Variants in FKBP14 observed in about 807,000 individuals in gnomAD.
FKBP14 encodes peptidyl-prolyl cis-trans isomerase FKBP14.
Under a neutral mutation model 21.6 loss-of-function variants are expected in FKBP14, and 20 were observed. The observed-to-expected ratio is 0.92, with a 90% CI of 0.65 to 1.34. The LOEUF is 1.34. Ranked by LOEUF, FKBP14 falls within the 40% of genes most tolerant of loss-of-function variation. FKBP14 has a pLI of 0.00. For missense variants in FKBP14, 253 were observed against 249.0 expected (o/e 1.02, Z -0.11); for synonymous variants, 79 against 86.7 (o/e 0.91, Z 0.49).
chr7:30,011,168 T>G lies in FKBP14; in HGVS notation c.*3567A>C, dbSNP rs1484032698. On this transcript the variant is annotated 3_prime_UTR_variant, in exon 4 of 4. Transcript: ENST00000222803. ...CAATTCTCCTGCCTCAGCCTCTCAATTAGCTGGGACTACACGCATGTGCCA... is the reference window on the plus strand; with the variant it reads ...CAATTCTCCTGCCTCAGCCTCTCAAGTAGCTGGGACTACACGCATGTGCCA... 2 of 151,824 alleles carry G rather than the reference T, an allele frequency of 1.3e-5. No homozygotes were observed. The highest frequency in any genetic ancestry group is 3.1e-3 in the Middle Eastern group (1 of 318). 9.4% of individuals were successfully genotyped at this position (151,824 alleles called of 1,614,324 possible). A position where few individuals can be genotyped will look rare whatever the true frequency, so the allele number is the denominator to read the frequency against.
intron 3 of FKBP14, among the ~76,000 whole-genome samples, chr7:30,015,827 G>A (rs903926726): frequency 2.0e-5 from 3 of 151,910 alleles, no homozygotes; most frequent in Non-Finnish European, 4.4e-5. Context: ...GCGTTTCACC[G>A]TGTTAGCCAG....
intron 2 of FKBP14, 84 bp downstream of exon 2, chr7:30,022,581 A>G (rs1223466285): frequency 7.0e-7 from 1 of 1,433,116 alleles, no homozygotes. Context: ...GGAAAAAAAA[A>G]AGTTATAGTG....
At chr7:30,018,903 T>A in intron 3 of FKBP14, 93 bp downstream of exon 3, 7 of 1,296,086 alleles carry the variant, frequency 5.4e-6, no homozygotes, top group Non-Finnish European at 7.5e-6. Context: ...ATACACATAT[T>A]CATTTAAAAA....
At chr7:30,026,081 A>T (rs1301405200) in intron 1 of FKBP14, among the ~76,000 whole-genome samples, 1 of 150,914 alleles carries the variant, frequency 6.6e-6, no homozygotes, top group East Asian at 2.0e-4. Flanking sequence ...TTTGTATAAT[A>T]AAAAAAATTA....
chr7:30,008,793 G>C (rs541191979), downstream of FKBP14, among the ~76,000 whole-genome samples: 15 of 152,016 alleles, frequency 9.9e-5, no homozygotes, highest in Admixed American at 9.2e-4. Flanking sequence ...TGGCTAACAC[G>C]GTGAAACCCG....
intron 1 of FKBP14, among the ~76,000 whole-genome samples, chr7:30,023,690 TCA>T (rs1445904406): frequency 2.0e-5 from 3 of 152,172 alleles, no homozygotes; most frequent in Admixed American, 6.5e-5. Flanking sequence ...TGGGGAGGTC[TCA>T]CAATCATGGC....
In FKBP14 at chr7:30,011,526, TACAC is replaced by T. The variant is rs1304391181; in HGVS notation, c.*3205_*3208del. ...TACAGGTATACCATATATATATATA[TACAC>T]ACACCATATATATATATACTATATA... On this transcript the variant is annotated 3_prime_UTR_variant, in exon 4 of 4. Transcript: ENST00000222803. 1.4e-5 allele frequency: 2 copies of T among 144,414 alleles called. No homozygotes were observed. The highest frequency in any genetic ancestry group is 2.6e-5 in the African/African-American group (1 of 39,130). 8.9% of individuals were successfully genotyped at this position (144,414 alleles called of 1,614,324 possible). A position where few individuals can be genotyped will look rare whatever the true frequency, so the allele number is the denominator to read the frequency against.
chr7:30,010,695 A>G lies in FKBP14; in HGVS notation c.*4040T>C, dbSNP rs952117602. 4 of 152,188 alleles carry G rather than the reference A, an allele frequency of 2.6e-5. No individual in the cohort carries two copies. The highest frequency in any genetic ancestry group is 5.9e-5 in the Non-Finnish European group (4 of 68,030). 9.4% of individuals were successfully genotyped at this position (152,188 alleles called of 1,614,324 possible). ...ACGCAAATTATATAGTCATGTAACC[A>G]TGTTTCGGTCAATGTACAATATATA... On this transcript the variant is annotated 3_prime_UTR_variant, in exon 4 of 4. Coordinates refer to ENST00000222803, the MANE Select transcript of FKBP14 (RefSeq NM_017946.4).
chr7:30,014,890 T>C lies in FKBP14; in HGVS notation c.481A>G (p.Lys161Glu), dbSNP rs1237714763. The C allele has an allele frequency of 6.3e-7, 1 of 1,578,530 alleles. No homozygotes were observed. Among genetic ancestry groups the C allele is most frequent in the Admixed American group, 1.9e-5 (1 of 51,724 alleles). The stretch of plus-strand genomic sequence containing the variant: ...TCAAACTCCTTCTTTAAATATGCTT[T>C]AACCTACAAAATAACAGATCCCATT... ...DDWKLSKDEVKAYLKKEFEKH... is the reference protein window; with the variant it reads ...DDWKLSKDEVEAYLKKEFEKH... Residue 161 changes from lysine to glutamate, a missense_variant, in exon 4 of 4, where the codon AAA becomes GAA. Physicochemically the swap from Lys to Glu is moderately conservative, Grantham distance 56. Transcript: ENST00000222803.
chr7:30,007,453 C>T (rs1258484228), downstream of FKBP14, among the ~76,000 whole-genome samples: 1 of 152,048 alleles, frequency 6.6e-6, no homozygotes, highest in Admixed American at 6.5e-5. Context: ...CGTGATCTGC[C>T]CGCCTTGGCC....
At chr7:30,017,427 G>C (rs1195598636) in intron 3 of FKBP14, among the ~76,000 whole-genome samples, 2 of 151,946 alleles carry the variant, frequency 1.3e-5, no homozygotes, top group African/African-American at 4.8e-5. Context: ...CAATTAGCTG[G>C]GTATGGTGGC....
rs1404241498 is a variant in FKBP14, at chr7:30,011,974, G to C, written c.*2761C>G. 3 of 152,136 alleles carry C rather than the reference G, an allele frequency of 2.0e-5. No homozygotes were observed. The East Asian group carries it at 5.8e-4, about 29-fold the overall frequency. 9.4% of individuals were successfully genotyped at this position (152,136 alleles called of 1,614,324 possible). A position where few individuals can be genotyped will look rare whatever the true frequency, so the allele number is the denominator to read the frequency against. ...GTGTTACAATTGCCTACATGATTCA[G>C]AACAGCAACATGCTGTAGCCTAGGA... On this transcript the variant is annotated 3_prime_UTR_variant, in exon 4 of 4. Coordinates refer to ENST00000222803, the MANE Select transcript of FKBP14 (RefSeq NM_017946.4).
At position 30,026,423 on chromosome 7, in the gene FKBP14, A is replaced by AT. The variant is rs1470738681; in HGVS notation, c.85dup (p.Ile29AsnfsTer2). On this transcript the variant is annotated frameshift_variant, in exon 1 of 4. Coordinates refer to ENST00000222803, the MANE Select transcript of FKBP14 (RefSeq NM_017946.4). LOFTEE classifies it high-confidence loss of function. Reference sequence around the variant, plus strand: ...GATGAATGGCTTCTGGAGAACTTCAATTTTCACTTCTGGTTCAGGGATCAA... The same window carrying AT: ...GATGAATGGCTTCTGGAGAACTTCAATTTTTCACTTCTGGTTCAGGGATCAA... 6.2e-7 allele frequency: 1 copy of AT among 1,614,166 alleles called. No individual in the cohort carries two copies. Among genetic ancestry groups the AT allele is most frequent in the East Asian group, 2.2e-5 (1 of 44,880 alleles).
intron 3 of FKBP14, 24 bp downstream of exon 3, chr7:30,018,972 G>A (rs1258525537): frequency 6.2e-7 from 1 of 1,602,058 alleles, no homozygotes; most frequent in Non-Finnish European, 8.5e-7. Context: ...AGTAGAAAGA[G>A]GAGTAGGAAG....
Position 30,026,479 on chromosome 7 carries a change from C to G in FKBP14, c.30G>C (p.Leu10Phe), listed in dbSNP as rs1473185753. Residue 10 changes from leucine (L) to phenylalanine (F), a missense_variant, in exon 1 of 4, where the codon TTG becomes TTC. Coordinates refer to ENST00000222803, the MANE Select transcript of FKBP14 (RefSeq NM_017946.4). MRLFLWNAVLTLFVTSLIGA... is the reference protein window; with the variant it reads MRLFLWNAVFTLFVTSLIGA... ...CAATCAAAGAAGTGACGAACAGAGT[C>G]AAGACCGCGTTCCACAAGAAAAGCC... 6.8e-6 allele frequency: 11 copies of G among 1,612,826 alleles called. No individual in the cohort carries two copies. The highest frequency in any genetic ancestry group is 1.3e-5 in the African/African-American group (1 of 74,848).
Position 30,026,331 on chromosome 7 carries a change from C to T in FKBP14, c.178G>A (p.Gly60Ser). 4 of 1,610,400 alleles carry T rather than the reference C, an allele frequency of 2.5e-6. No homozygotes were observed. Among genetic ancestry groups the T allele is most frequent in the Non-Finnish European group, 3.4e-6 (4 of 1,178,012 alleles). ...VHYEGYLEKD[G>S]SLFHSTHKHN... The stretch of plus-strand genomic sequence containing the variant: ...ACTTACGTGGAGTGAAATAAGGAGC[C>T]GTCCTTTTCTAAGTAGCCTTCATAG... The change falls in exon 1 of 4, where the codon GGC becomes AGC. Residue 60 changes from glycine to serine, a missense_variant. By Grantham distance (56) the Gly-to-Ser change is moderately conservative. Transcript: ENST00000222803.
At chr7:30,015,041 A>G (rs1270293973) in intron 3 of FKBP14, 148 bp from the exon 4 acceptor site, 1 of 455,836 alleles carries the variant, frequency 2.2e-6, no homozygotes, top group Non-Finnish European at 3.7e-6. Context: ...CATAGTTTTA[A>G]TGATAATTAA....
At chr7:30,015,649 G>A (rs1361699383) in intron 3 of FKBP14, among the ~76,000 whole-genome samples, 14 of 136,304 alleles carry the variant, frequency 1.0e-4, no homozygotes, top group Non-Finnish European at 1.7e-4. Flanking sequence ...TTTTTGAGAC[G>A]GAGTCTCACT....
At chr7:30,026,077 T>A (rs768573940) in intron 1 of FKBP14, among the ~76,000 whole-genome samples, 1 of 152,196 alleles carries the variant, frequency 6.6e-6, no homozygotes, top group Non-Finnish European at 1.5e-5. Context: ...CTAATTTGTA[T>A]AATAAAAAAA....
Sources: gnomAD v4.1 joint callset for allele counts (sites outside exome capture counted in the v4.1 genomes callset) on GRCh38, gnomAD v4.1.1 for gene constraint, MANE v1.5 for transcripts, NCBI Gene and HGNC (gene_info 2026-07-23, HGNC 2026-07-21) for gene names.